Variants in DLG2 observed in about 807,000 individuals in gnomAD.
DLG2 encodes the protein discs large MAGUK scaffold protein 2, also known as disks large homolog 2.
A neutral mutation model predicts 132.5 loss-of-function variants in DLG2; 45 were observed. The ratio of observed to expected loss-of-function variants is 0.34; its 90% confidence interval spans 0.27 to 0.44. The LOEUF (loss-of-function observed/expected upper bound fraction) is 0.44. Among genes scored for constraint, DLG2 ranks in the 20% least tolerant of loss-of-function variants. The pLI is 1.00. For synonymous variants in DLG2, 424 were observed against 419.6 expected, an observed-to-expected ratio of 1.01 and a Z score of -0.13; for missense variants, 1,045 against 1,196.9, an observed-to-expected ratio of 0.87 and a Z score of 1.87.
chr11:83,685,390 A>G (rs2079556839), intron 18 of DLG2, among the ~76,000 whole-genome samples: 1 of 152,214 alleles, frequency 6.6e-6, no homozygotes, highest in Admixed American at 6.6e-5. Context: ...TGTCACTCAC[A>G]AAATCAATAT....
rs1261957658 is a variant in DLG2, at chr11:84,008,923, G to C, written c.920-28281C>G. ...TGTCTTTATCTACAGATTTTTTCTT[G>C]TTTTTTTTTTTTGTTGTTGTTGTTT... is the stretch of plus-strand genomic sequence containing the variant. On this transcript the variant is annotated intron_variant, in intron 11 of 27. Transcript: ENST00000376104. 4.3e-5 allele frequency among the ~76,000 whole-genome samples: 6 copies of C among 138,698 alleles called. No individual in the cohort carries two copies. The East Asian group carries it at 1.2e-3, about 29-fold the overall frequency. 91.0% of individuals were successfully genotyped at this position (138,698 alleles called of 152,430 possible). A position where few individuals can be genotyped will look rare whatever the true frequency, so the allele number is the denominator to read the frequency against.
chr11:83,703,832 C>A lies in DLG2; in HGVS notation c.1826-70507G>T, dbSNP rs75543860. On this transcript the variant is annotated intron_variant, in intron 18 of 27. Transcript: ENST00000376104. ...ACAGTAGTGAAAAATCAGAAACAAC[C>A]TAAAAGTTTAATAATGGTAAATAGG... Among the ~76,000 whole-genome samples the A allele has an allele frequency of 6.2e-3, 948 of 152,132 alleles. 7 individuals are homozygous for A. Among genetic ancestry groups the A allele is most frequent in the African/African-American group, 0.022 (899 of 41,482 alleles).
chr11:85,116,591 C>G (rs2073618477), intron 5 of DLG2, among the ~76,000 whole-genome samples: 1 of 151,548 alleles, frequency 6.6e-6, no homozygotes, highest in South Asian at 2.1e-4. Flanking sequence ...TCTAATTTCC[C>G]ATAAAGACAT....
At chr11:85,466,615 G>A (rs190876252) in intron 3 of DLG2, among the ~76,000 whole-genome samples, 156 of 152,220 alleles carry the variant, frequency 1.0e-3, no homozygotes, top group Middle Eastern at 3.4e-3. Flanking sequence ...AGATCAGATC[G>A]TTGTAGATAT....
chr11:83,679,971 C>T (rs181344170), intron 18 of DLG2, among the ~76,000 whole-genome samples: 66 of 152,214 alleles, frequency 4.3e-4, no homozygotes, highest in African/African-American at 1.3e-3. Flanking sequence ...ATATGTGTCA[C>T]GTAGGCAAAA....
intron 3 of DLG2, among the ~76,000 whole-genome samples, chr11:85,352,751 T>G (rs1848552241): frequency 6.6e-6 from 1 of 152,178 alleles, no homozygotes; most frequent in South Asian, 2.1e-4. Context: ...ATTCCCTATT[T>G]AATAAATGGT....
chr11:84,929,012 A>ACAG (rs2047776838), intron 6 of DLG2, among the ~76,000 whole-genome samples: 1 of 131,580 alleles, frequency 7.6e-6, no homozygotes, highest in Non-Finnish European at 1.6e-5. Flanking sequence ...ATATATATAT[A>ACAG]TATATATATA....
chr11:85,121,033 T>C (rs1594504611), intron 5 of DLG2, among the ~76,000 whole-genome samples: 1 of 152,024 alleles, frequency 6.6e-6, no homozygotes, highest in South Asian at 2.1e-4. Flanking sequence ...GTTGGACAAA[T>C]TCCAAGTAAT....
At chr11:83,560,752 G>A (rs1593207977) in intron 19 of DLG2, among the ~76,000 whole-genome samples, 1 of 152,126 alleles carries the variant, frequency 6.6e-6, no homozygotes, top group Non-Finnish European at 1.5e-5. Context: ...CACAGGGAAG[G>A]TAAAGTCAAG....
chr11:84,065,687 C>A (rs984815901), intron 10 of DLG2, among the ~76,000 whole-genome samples: 1 of 152,144 alleles, frequency 6.6e-6, no homozygotes, highest in African/African-American at 2.4e-5. Flanking sequence ...ACAAAATTAC[C>A]ATTCAACCTA....
At chr11:83,709,683 G>A (rs1236308729) in intron 18 of DLG2, among the ~76,000 whole-genome samples, 1 of 152,164 alleles carries the variant, frequency 6.6e-6, no homozygotes, top group Non-Finnish European at 1.5e-5. Flanking sequence ...GCCTTGGCTT[G>A]TTTCAGAAGG....
intron 6 of DLG2, among the ~76,000 whole-genome samples, chr11:84,879,905 G>A (rs570504121): frequency 3.3e-5 from 5 of 152,102 alleles, no homozygotes; most frequent in African/African-American, 1.2e-4. Flanking sequence ...AGACAAAAAC[G>A]CAGCCTAGCA....
intron 6 of DLG2, among the ~76,000 whole-genome samples, chr11:84,951,138 A>G (rs1380791570): frequency 6.6e-6 from 1 of 152,180 alleles, no homozygotes; most frequent in Non-Finnish European, 1.5e-5. Context: ...AGAGGGAATG[A>G]CTGACACTTT....
At chr11:85,485,741 A>G (rs1484410761) in intron 3 of DLG2, among the ~76,000 whole-genome samples, 2 of 152,194 alleles carry the variant, frequency 1.3e-5, no homozygotes, top group African/African-American at 4.8e-5. Context: ...CTTTGGCCTG[A>G]CATGAGGAAC....
chr11:83,688,988 C>T (rs34843650), intron 18 of DLG2, among the ~76,000 whole-genome samples: 6,331 of 152,228 alleles, frequency 0.042, 186 homozygotes, highest in Middle Eastern at 0.092. Context: ...TACATTATTA[C>T]GTTGAATGCC....
intron 7 of DLG2, among the ~76,000 whole-genome samples, chr11:84,504,419 T>C (rs2099232318): frequency 6.6e-6 from 1 of 152,226 alleles, no homozygotes; most frequent in South Asian, 2.1e-4. Context: ...CAATTATTAA[T>C]GGCATCCCTT....
chr11:84,427,161 A>G (rs2154471395), intron 7 of DLG2, among the ~76,000 whole-genome samples: 1 of 152,256 alleles, frequency 6.6e-6, no homozygotes, highest in East Asian at 1.9e-4. Flanking sequence ...GAGGTAAAGC[A>G]GAACTATTTT....
At chr11:84,803,043 C>T (rs1447424109) in intron 6 of DLG2, among the ~76,000 whole-genome samples, 2 of 152,160 alleles carry the variant, frequency 1.3e-5, no homozygotes, top group African/African-American at 2.4e-5. Context: ...TCGTGATCTG[C>T]CCGCCTCGGC....
At chr11:85,612,086 A>C (rs1162240308) in intron 2 of DLG2, among the ~76,000 whole-genome samples, 1 of 152,236 alleles carries the variant, frequency 6.6e-6, no homozygotes. Context: ...GTAGTAAAGA[A>C]AAAACAGTGT....
Sources: gnomAD v4.1 joint callset for allele counts (sites outside exome capture counted in the v4.1 genomes callset) on GRCh38, gnomAD v4.1.1 for gene constraint, MANE v1.5 for transcripts, NCBI Gene and HGNC (gene_info 2026-07-23, HGNC 2026-07-21) for gene names.